Variants in MTUS2 observed in about 807,000 individuals in gnomAD.
MTUS2 encodes microtubule associated scaffold protein 2, also known as microtubule-associated tumor suppressor candidate 2.
MTUS2 carries 40 observed loss-of-function variants against 114.1 expected under a neutral mutation model. The ratio of observed to expected loss-of-function variants is 0.35; its 90% CI spans 0.27 to 0.46. The LOEUF (loss-of-function observed/expected upper bound fraction) is 0.46, where lower values mean the gene tolerates loss of function less well. Among genes scored for constraint, MTUS2 ranks in the 20% least tolerant of loss-of-function variants. MTUS2 has a pLI of 1.00. For synonymous variants in MTUS2, 688 were observed against 672.0 expected, an observed-to-expected ratio of 1.02 and a Z score of -0.37; for missense variants, 1,679 against 1,705.4, an observed-to-expected ratio of 0.98 and a Z score of 0.27.
At chr13:29,159,592 C>A (rs1196677933) in intron 5 of MTUS2, among the ~76,000 whole-genome samples, 2 of 151,740 alleles carry the variant, frequency 1.3e-5, no homozygotes, top group African/African-American at 4.8e-5. Context: ...AAGATATTTG[C>A]AAACCACATA....
intron 6 of MTUS2, among the ~76,000 whole-genome samples, chr13:29,308,334 G>A (rs1049806723): frequency 3.9e-5 from 6 of 152,174 alleles, no homozygotes; most frequent in African/African-American, 1.4e-4. Context: ...AAATGGTGCT[G>A]GGAGTGCTGG....
At position 29,450,653 on chromosome 13, in the gene MTUS2, A is replaced by G. The variant is rs552377717; in HGVS notation, c.3184+10604A>G. 2.0e-5 allele frequency among the ~76,000 whole-genome samples: 3 copies of G among 152,334 alleles called. No homozygotes were observed. The South Asian group carries it at 6.2e-4, about 32-fold the overall frequency. On this transcript the variant is annotated intron_variant, in intron 9 of 15. Coordinates refer to ENST00000612955, the MANE Select transcript of MTUS2 (RefSeq NM_001033602.4). ...AAGACAGAGTTTGTCAGATTGGATA[A>G]AAAAAGAAAAGCAAGACTTGGCTAC... is the stretch of plus-strand genomic sequence containing the variant.
chr13:29,150,968 G>A (rs940151302), intron 5 of MTUS2, among the ~76,000 whole-genome samples: 31 of 152,140 alleles, frequency 2.0e-4, no homozygotes, highest in Middle Eastern at 3.2e-3. Context: ...TTGAAGTCAG[G>A]TAGTGTGATA....
intron 2 of MTUS2, among the ~76,000 whole-genome samples, chr13:28,841,980 C>G (rs747477271): frequency 2.6e-5 from 4 of 152,168 alleles, no homozygotes; most frequent in Admixed American, 1.3e-4. Flanking sequence ...CCACCGCGCC[C>G]GGCCAAAGTT....
intron 2 of MTUS2, among the ~76,000 whole-genome samples, chr13:28,936,952 C>T (rs919814611): frequency 6.6e-6 from 1 of 152,114 alleles, no homozygotes; most frequent in Non-Finnish European, 1.5e-5. Flanking sequence ...ATGTGACCTT[C>T]TGTATGGGAT....
intron 9 of MTUS2, among the ~76,000 whole-genome samples, chr13:29,447,339 G>A (rs1318006513): frequency 6.6e-6 from 1 of 152,048 alleles, no homozygotes; most frequent in East Asian, 1.9e-4. Context: ...AGCAGTTGCA[G>A]CAGTTTCTAG....
chr13:29,287,261 A>G (rs1182900506), intron 6 of MTUS2, among the ~76,000 whole-genome samples: 1 of 152,140 alleles, frequency 6.6e-6, no homozygotes, highest in Non-Finnish European at 1.5e-5. Flanking sequence ...TTACCAATAG[A>G]TTGCATGTGT....
At chr13:29,318,795 A>G (rs1900130218) in intron 6 of MTUS2, among the ~76,000 whole-genome samples, 1 of 151,942 alleles carries the variant, frequency 6.6e-6, no homozygotes, top group Non-Finnish European at 1.5e-5. Flanking sequence ...TTTCTGAGAC[A>G]CTCTCTATGG....
intron 8 of MTUS2, among the ~76,000 whole-genome samples, chr13:29,378,962 C>T (rs1871971908): frequency 6.6e-6 from 1 of 152,174 alleles, no homozygotes; most frequent in Non-Finnish European, 1.5e-5. Context: ...CCATGCTGTT[C>T]TCATGATGGC....
intron 8 of MTUS2, among the ~76,000 whole-genome samples, chr13:29,360,683 C>T (rs1402935549): frequency 1.1e-5 from 1 of 87,896 alleles, no homozygotes; most frequent in Non-Finnish European, 2.1e-5. Context: ...ATAAAGTAGC[C>T]GAACACCCCC....
At chr13:29,032,826 A>T (rs1251975928) in intron 3 of MTUS2, among the ~76,000 whole-genome samples, 1 of 152,256 alleles carries the variant, frequency 6.6e-6, no homozygotes, top group Non-Finnish European at 1.5e-5. Flanking sequence ...TAAGTTTGAC[A>T]CATAAAATGT....
intron 14 of MTUS2, among the ~76,000 whole-genome samples, chr13:29,500,829 A>G (rs920789970): frequency 1.3e-5 from 2 of 151,252 alleles, no homozygotes; most frequent in Admixed American, 1.3e-4. Flanking sequence ...ACACACACAC[A>G]CACACATTGA....
At chr13:29,347,530 T>TAA (rs34713870) in intron 7 of MTUS2, among the ~76,000 whole-genome samples, 40,277 of 148,756 alleles carry the variant, frequency 0.27, 5,961 homozygotes, top group African/African-American at 0.41. Context: ...TTTGGATGAT[T>TAA]AAAAAAAAAA....
At chr13:29,304,240 AAAAT>A (rs1899335597) in intron 6 of MTUS2, among the ~76,000 whole-genome samples, 2 of 152,312 alleles carry the variant, frequency 1.3e-5, no homozygotes, top group Admixed American at 1.3e-4. Context: ...AAAAGTTTGA[AAAAT>A]AACCAACTAG....
At chr13:28,872,964 A>C (rs532134573) in intron 2 of MTUS2, among the ~76,000 whole-genome samples, 52 of 152,358 alleles carry the variant, frequency 3.4e-4, no homozygotes, top group African/African-American at 1.2e-3. Context: ...TTCCTTCAAC[A>C]GACTAACAGT....
intron 4 of MTUS2, among the ~76,000 whole-genome samples, chr13:29,042,723 A>G (rs1384321561): frequency 6.6e-6 from 1 of 151,968 alleles, no homozygotes; most frequent in South Asian, 2.1e-4. Context: ...GAACTTATTT[A>G]TCTCCTCTAG....
chr13:29,059,698 G>T (rs944368225), intron 4 of MTUS2, among the ~76,000 whole-genome samples: 13 of 152,190 alleles, frequency 8.5e-5, no homozygotes, highest in African/African-American at 2.9e-4. Flanking sequence ...GTCATGGCTT[G>T]CCTGGCTATG....
chr13:29,124,048 A>G (rs1026723705), intron 5 of MTUS2, among the ~76,000 whole-genome samples: 1 of 152,224 alleles, frequency 6.6e-6, no homozygotes, highest in African/African-American at 2.4e-5. Flanking sequence ...AATAAGGTAA[A>G]CACATTAGCT....
At chr13:29,468,379 G>A (rs1446584401) in intron 9 of MTUS2, among the ~76,000 whole-genome samples, 1 of 152,130 alleles carries the variant, frequency 6.6e-6, no homozygotes, top group Non-Finnish European at 1.5e-5. Flanking sequence ...AGCAGTTCTA[G>A]ACCAGCCTGG....
Sources: gnomAD v4.1 joint callset for allele counts (sites outside exome capture counted in the v4.1 genomes callset) on GRCh38, gnomAD v4.1.1 for gene constraint, MANE v1.5 for transcripts, NCBI Gene and HGNC (gene_info 2026-07-23, HGNC 2026-07-21) for gene names.